SVEP1: variants seen among roughly 807,000 people sequenced by gnomAD.
SVEP1 encodes the protein sushi, von Willebrand factor type A, EGF and pentraxin domain-containing protein 1.
Under a neutral mutation model 367.3 loss-of-function variants are expected in SVEP1, and 164 were observed. The ratio of observed to expected loss-of-function variants is 0.45; its 90% CI spans 0.39 to 0.51. The LOEUF is 0.51. SVEP1 is among the 20% of genes least tolerant of loss of function. The probability of loss-of-function intolerance (pLI) is 0.00; values close to 1 mark genes in which losing one functional copy is unlikely to be tolerated. For synonymous variants in SVEP1, 1,666 were observed against 1,611.6 expected, an observed-to-expected ratio of 1.03 and a Z score of -0.81; for missense variants, 4,117 against 4,425.3, an observed-to-expected ratio of 0.93 and a Z score of 1.98.
intron 1 of SVEP1, among the ~76,000 whole-genome samples, chr9:110,578,472 GGATT>G (rs1830652094): frequency 6.6e-6 from 1 of 151,804 alleles, no homozygotes; most frequent in Admixed American, 6.6e-5. Context: ...CACTGAATAT[GGATT>G]AATTTGTAAT....
At chr9:110,516,785 GA>G (rs1420527527) in intron 3 of SVEP1, among the ~76,000 whole-genome samples, 2 of 152,164 alleles carry the variant, frequency 1.3e-5, no homozygotes, top group African/African-American at 2.4e-5. Flanking sequence ...TAATGGTTGT[GA>G]TATTAGTGCA....
Position 110,387,285 on chromosome 9 carries a change from G to A in SVEP1, c.10060C>T (p.Pro3354Ser), listed in dbSNP as rs763898532. ...AATTTCTCCTAAAGGCAACACACACGTTTGCAGAGAGGGACTGGGTGGCTC... is the reference window on the plus strand; with the variant it reads ...AATTTCTCCTAAAGGCAACACACACATTTGCAGAGAGGGACTGGGTGGCTC... ...TWSHPVPLCK[P>S]NPCPVPFVIP... Residue 3354 changes from proline to serine, a missense_variant and splice_region_variant, in exon 42 of 48, where the codon CCA becomes TCA. Pro to Ser is a moderately conservative substitution (Grantham distance 74). This residue lies in a region of SVEP1 where 1,765 missense variants were observed against 1,781.1 expected (regional missense o/e 0.99). Coordinates refer to ENST00000374469, the MANE Select transcript of SVEP1 (RefSeq NM_153366.4). The A allele has an allele frequency of 8.5e-5, 135 of 1,586,580 alleles. No homozygotes were observed. Among genetic ancestry groups the A allele is most frequent in the Non-Finnish European group, 1.1e-4 (128 of 1,172,462 alleles).
rs1199960410 is a variant in SVEP1 at position 110,434,307 on chromosome 9, C to T, written c.5059+29G>A. On this transcript the variant is annotated intron_variant, in intron 30 of 47. Coordinates refer to ENST00000374469, the MANE Select transcript of SVEP1 (RefSeq NM_153366.4). Reference sequence around the variant, plus strand: ...TGTTTTCAATATTTTTCAAAAGTCACTGAAATGGCTTCAAGAAAGGCAGCT... The same window carrying T: ...TGTTTTCAATATTTTTCAAAAGTCATTGAAATGGCTTCAAGAAAGGCAGCT... The T allele has an allele frequency of 1.1e-5, 17 of 1,575,712 alleles. No individual in the cohort carries two copies. In the East Asian group the frequency reaches 2.7e-4, roughly 25 times the overall value.
At chr9:110,430,594 G>T in intron 32 of SVEP1, 144 bp from the exon 33 acceptor site, 1 of 762,694 alleles carries the variant, frequency 1.3e-6, no homozygotes, top group Non-Finnish European at 2.1e-6. Flanking sequence ...TGAGGGCCCA[G>T]AGACACATTG....
chr9:110,517,103 T>C (rs563125606), intron 3 of SVEP1, among the ~76,000 whole-genome samples: 31 of 152,270 alleles, frequency 2.0e-4, no homozygotes, highest in African/African-American at 7.2e-4. Context: ...GTGGGCAAGC[T>C]ATTGGTAAGT....
intron 3 of SVEP1, among the ~76,000 whole-genome samples, chr9:110,516,134 T>TATACTAAATCATTATAAC (rs1272283761): frequency 3.3e-5 from 5 of 149,800 alleles, no homozygotes; most frequent in African/African-American, 1.2e-4. Context: ...ATCATTATAA[T>TATACTAAATCATTATAAC]ATACTAAAAC....
chr9:110,408,678 C>T lies in SVEP1; in HGVS notation c.6922G>A (p.Gly2308Ser). 6.2e-7 allele frequency: 1 copy of T among 1,613,956 alleles called. No homozygotes were observed. Residue 2308 changes from glycine to serine, a missense_variant, in exon 38 of 48, where the codon GGC (glycine) becomes AGC (serine). Physicochemically the swap from Gly to Ser is moderately conservative, Grantham distance 56. This residue lies in a region of SVEP1 where 1,765 missense variants were observed against 1,781.1 expected (regional missense o/e 0.99). Transcript: ENST00000374469. ...GDSSWTCQKS[G>S]KWNKKSNPKC... ...GGATTTGACTTCTTATTCCATTTGC[C>T]AGATTTCTGACATGTCCAAGAACTG...
chr9:110,429,271 C>T lies in SVEP1; in HGVS notation c.5679G>A (p.Trp1893Ter). The change falls in exon 35 of 48, where the codon TGG (tryptophan) becomes TGA (stop). Residue 1893 changes from tryptophan to a stop codon, truncating the protein, a stop_gained. Coordinates refer to ENST00000374469, the MANE Select transcript of SVEP1 (RefSeq NM_153366.4). LOFTEE classifies it high-confidence loss of function. The stretch of plus-strand genomic sequence containing the variant: ...GTTCACACACAGGAGGGGAATGACT[C>T]CAAGAACTGTTAGCAAGACAGGATG... ...KESSCLANSS[W>*]SHSPPVCEPV... 1 of 1,596,558 alleles carries T rather than the reference C, an allele frequency of 6.3e-7. No homozygotes were observed. Among genetic ancestry groups the T allele is most frequent in the Non-Finnish European group, 8.5e-7 (1 of 1,171,062 alleles).
At chr9:110,375,497 A>T in intron 45 of SVEP1, 34 bp from the exon 46 acceptor site, 5 of 1,377,264 alleles carry the variant, frequency 3.6e-6, no homozygotes, top group Admixed American at 2.4e-5. Context: ...AAAAGGAGGC[A>T]GGGGGGATTG....
At position 110,434,328 on chromosome 9, in the gene SVEP1, C is replaced by T. The variant is rs1828398991; in HGVS notation, c.5059+8G>A. On this transcript the variant is annotated splice_region_variant and intron_variant, in intron 30 of 47. Coordinates refer to ENST00000374469, the MANE Select transcript of SVEP1 (RefSeq NM_153366.4). The stretch of plus-strand genomic sequence containing the variant: ...GTCACTGAAATGGCTTCAAGAAAGG[C>T]AGCTCACGTTCACAGTGAGGAAGTG... The T allele has an allele frequency of 6.3e-7, 1 of 1,583,650 alleles. No homozygotes were observed. The highest frequency in any genetic ancestry group is 8.6e-7 in the Non-Finnish European group (1 of 1,158,928).
intron 1 of SVEP1, among the ~76,000 whole-genome samples, chr9:110,552,009 G>C (rs1234603144): frequency 4.7e-5 from 7 of 147,658 alleles, no homozygotes; most frequent in African/African-American, 1.7e-4. Context: ...GGACAATAGA[G>C]CAGTGGTACC....
chr9:110,429,404 A>C, intron 34 of SVEP1, 70 bp from the exon 35 acceptor site: 1 of 1,094,068 alleles, frequency 9.1e-7, no homozygotes, highest in Non-Finnish European at 1.2e-6. Context: ...TGTGCCAAAA[A>C]CCTCTAAAAA....
At chr9:110,390,284 T>TAC (rs752218055) in intron 40 of SVEP1, among the ~76,000 whole-genome samples, 9,444 of 52,114 alleles carry the variant, frequency 0.18, 1,352 homozygotes, top group East Asian at 0.4. Flanking sequence ...CTTATATATA[T>TAC]ACATACTTAT....
rs573490929 is a variant in SVEP1, at chr9:110,561,137, A to G, written c.532-11033T>C. 2.0e-5 allele frequency among the ~76,000 whole-genome samples: 3 copies of G among 152,140 alleles called. No individual in the cohort carries two copies. In the South Asian group the frequency reaches 6.2e-4, roughly 32 times the overall value. On this transcript the variant is annotated intron_variant, in intron 1 of 47. Coordinates refer to ENST00000374469, the MANE Select transcript of SVEP1 (RefSeq NM_153366.4). Reference sequence around the variant, plus strand: ...TTTTGCACTCGATTTTAGCTACACCAATCCATTTGGAGGTTCTGAAATACA... The same window carrying G: ...TTTTGCACTCGATTTTAGCTACACCGATCCATTTGGAGGTTCTGAAATACA...
At chr9:110,554,782 C>T (rs1390133458) in intron 1 of SVEP1, among the ~76,000 whole-genome samples, 1 of 151,118 alleles carries the variant, frequency 6.6e-6, no homozygotes, top group Non-Finnish European at 1.5e-5. Flanking sequence ...TCAGTTAGTA[C>T]ACATTCCAGG....
At chr9:110,393,817 C>A (rs1232587740) in intron 40 of SVEP1, among the ~76,000 whole-genome samples, 1 of 152,200 alleles carries the variant, frequency 6.6e-6, no homozygotes, top group East Asian at 1.9e-4. Context: ...GGGAGGGGTG[C>A]CCACCATTGC....
intron 40 of SVEP1, among the ~76,000 whole-genome samples, chr9:110,392,666 ATTCT>A (rs1162097055): frequency 1.3e-5 from 2 of 152,176 alleles, no homozygotes; most frequent in Non-Finnish European, 2.9e-5. Context: ...TGGAAAGACA[ATTCT>A]TCCTCTTGAG....
At chr9:110,389,487 T>G in intron 41 of SVEP1, 37 bp downstream of exon 41, 3 of 1,608,090 alleles carry the variant, frequency 1.9e-6, no homozygotes, top group Non-Finnish European at 2.5e-6. Flanking sequence ...GTGTCCTCAG[T>G]GTCATTTTGG....
chr9:110,471,861 T>A (rs1829022732), intron 15 of SVEP1, among the ~76,000 whole-genome samples: 1 of 152,184 alleles, frequency 6.6e-6, no homozygotes, highest in Non-Finnish European at 1.5e-5. Flanking sequence ...CTATATCACC[T>A]TTTTTGGGAG....
Sources: allele counts gnomAD v4.1 joint callset (sites outside exome capture counted in the v4.1 genomes callset), GRCh38; gene constraint gnomAD v4.1.1; regional missense constraint gnomAD v4.1.1; transcripts MANE v1.5; gene names NCBI Gene and HGNC (gene_info 2026-07-23, HGNC 2026-07-21).